Variants in COBLL1 observed in about 807,000 individuals in gnomAD.
COBLL1 encodes the protein cordon-bleu WH2 repeat protein like 1, also known as cordon-bleu protein-like 1.
COBLL1 carries 50 observed loss-of-function variants against 94.8 expected under a neutral mutation model. That is an observed-to-expected ratio of 0.53 (90% CI 0.42 to 0.67). The LOEUF is 0.67. Ranked by LOEUF, COBLL1 falls within the 30% of genes least tolerant of loss-of-function variation. COBLL1 has a pLI of 0.00. For missense variants in COBLL1, 1,362 were observed against 1,348.7 expected (o/e 1.01, Z -0.15); for synonymous variants, 448 against 473.8 (o/e 0.95, Z 0.71).
rs769456105 is a variant in COBLL1, at chr2:164,686,022, G to T, written c.3311C>A (p.Pro1104Gln). Reference sequence around the variant, plus strand: ...TCCATTCACAGATATTGTATTTGATGGAATGGTAACCTAAGAGAAAGAAAC... The same window carrying T: ...TCCATTCACAGATATTGTATTTGATTGAATGGTAACCTAAGAGAAAGAAAC... ...AAAKLKRVTI[P>Q]SNTISVNGRS... Residue 1104 changes from proline to glutamine, a missense_variant, in exon 14 of 14, where the codon CCA becomes CAA. Coordinates refer to ENST00000652658, the MANE Select transcript of COBLL1 (RefSeq NM_001365672.2). 6.3e-7 allele frequency: 1 copy of T among 1,591,726 alleles called. No homozygotes were observed. The highest frequency in any genetic ancestry group is 2.3e-5 in the East Asian group (1 of 43,806).
chr2:164,797,260 T>C (rs1345665799), intron 2 of COBLL1, among the ~76,000 whole-genome samples: 2 of 152,196 alleles, frequency 1.3e-5, no homozygotes, highest in Non-Finnish European at 2.9e-5. Context: ...CCATATTAAA[T>C]AAGCTAATCA....
chr2:164,837,400 G>A, intron 2 of COBLL1: 2 of 440,594 alleles, frequency 4.5e-6, no homozygotes, highest in Middle Eastern at 3.5e-4. Flanking sequence ...TTTACTAATT[G>A]GATATCCACG....
At chr2:164,763,841 A>G (rs1282761154) in intron 2 of COBLL1, among the ~76,000 whole-genome samples, 2 of 152,244 alleles carry the variant, frequency 1.3e-5, no homozygotes, top group Admixed American at 6.5e-5. Flanking sequence ...TTAGATCTCT[A>G]CAAATGTATC....
At chr2:164,671,740 C>A (rs1319336750) in intron 1 of COBLL1, among the ~76,000 whole-genome samples, 1 of 144,692 alleles carries the variant, frequency 6.9e-6, no homozygotes, top group Admixed American at 6.9e-5. Context: ...TTTTTTTTTT[C>A]CAAGAGGCTG....
intron 2 of COBLL1, among the ~76,000 whole-genome samples, chr2:164,804,561 A>G (rs572930893): frequency 2.0e-5 from 3 of 152,274 alleles, no homozygotes; most frequent in East Asian, 3.9e-4. Context: ...AATTCTTATC[A>G]GATCTGATCG....
At chr2:164,665,879 G>A (rs1691151857) in exon 2 of COBLL1, 1 of 152,084 alleles carries the variant, frequency 6.6e-6, no homozygotes, top group Non-Finnish European at 1.5e-5. Flanking sequence ...GTACGTTTCA[G>A]GTTTACAGAT....
rs1559046559 is a variant in COBLL1, at chr2:164,818,576, ATGTACATATGTACACATATATAGCATATG to A, written c.41+22551_41+22579del. Among the ~76,000 whole-genome samples the A allele has an allele frequency of 3.8e-4, 56 of 146,578 alleles. 2 individuals are homozygous for A. Among genetic ancestry groups the A allele is most frequent in the South Asian group, 3.6e-3 (17 of 4,756 alleles). On this transcript the variant is annotated intron_variant, in intron 2 of 13. Transcript: ENST00000652658. ...ACATATGTACACATATATAGCATAT[ATGTACATATGTACACATATATAGCATATG>A]TGTACATATGTACACATATATGGCG...
At chr2:164,767,057 G>A (rs1225525717) in intron 2 of COBLL1, among the ~76,000 whole-genome samples, 1 of 152,156 alleles carries the variant, frequency 6.6e-6, no homozygotes, top group Non-Finnish European at 1.5e-5. Context: ...AATAAAGAAA[G>A]ATGTAGTGGG....
chr2:164,828,051 G>A (rs1685517120), intron 2 of COBLL1, among the ~76,000 whole-genome samples: 4 of 152,096 alleles, frequency 2.6e-5, no homozygotes, highest in Admixed American at 2.6e-4. Context: ...AATTTTAATG[G>A]TGTGGTATTT....
intron 2 of COBLL1, among the ~76,000 whole-genome samples, chr2:164,816,794 C>A (rs1684773264): frequency 6.6e-6 from 1 of 152,166 alleles, no homozygotes; most frequent in Non-Finnish European, 1.5e-5. Context: ...GTTCTCTACA[C>A]TCTACTAAAC....
chr2:164,826,177 G>A (rs1477214037), intron 2 of COBLL1, among the ~76,000 whole-genome samples: 3 of 152,180 alleles, frequency 2.0e-5, no homozygotes, highest in African/African-American at 4.8e-5. Context: ...AAGCGAGGAA[G>A]TTACAATCAC....
intron 1 of COBLL1, among the ~76,000 whole-genome samples, chr2:164,673,666 T>C (rs1390033266): frequency 1.3e-5 from 2 of 152,022 alleles, no homozygotes; most frequent in Non-Finnish European, 2.9e-5. Context: ...AGAGACTCTG[T>C]TTCAAAAAAA....
chr2:164,714,076 A>G (rs1685041556), intron 7 of COBLL1, among the ~76,000 whole-genome samples: 1 of 152,036 alleles, frequency 6.6e-6, no homozygotes, highest in Non-Finnish European at 1.5e-5. Context: ...TAGACCTATT[A>G]GTAGAATTCA....
intron 3 of COBLL1, among the ~76,000 whole-genome samples, chr2:164,736,093 A>T (rs1392904365): frequency 3.9e-5 from 6 of 152,212 alleles, no homozygotes; most frequent in Admixed American, 6.5e-5. Context: ...TTTGAAATGA[A>T]GAAATCCCTA....
At chr2:164,696,928 TG>T (rs899994709) in intron 11 of COBLL1, 3 of 152,170 alleles carry the variant, frequency 2.0e-5, no homozygotes, top group Non-Finnish European at 4.4e-5. Context: ...ATGTGAGCCT[TG>T]GGGGTCAAAC....
intron 7 of COBLL1, chr2:164,718,122 G>T: frequency 2.9e-6 from 1 of 347,488 alleles, no homozygotes; most frequent in Non-Finnish European, 4.1e-6. Context: ...CGATATAAGT[G>T]TGACACATTC....
intron 7 of COBLL1, among the ~76,000 whole-genome samples, chr2:164,713,020 T>G (rs1684983482): frequency 6.6e-6 from 1 of 152,130 alleles, no homozygotes; most frequent in African/African-American, 2.4e-5. Flanking sequence ...GTTATATTAT[T>G]GTGATTTGTA....
At chr2:164,691,543 C>G (rs1004945521) in intron 13 of COBLL1, among the ~76,000 whole-genome samples, 1 of 152,156 alleles carries the variant, frequency 6.6e-6, no homozygotes, top group Middle Eastern at 3.4e-3. Context: ...GTGCTGATGC[C>G]TTGTTCAAAG....
At position 164,734,593 on chromosome 2, in the gene COBLL1, C is replaced by CG. The variant is rs1369122664; in HGVS notation, c.231-4479dup. Among the ~76,000 whole-genome samples, 3 of 152,092 alleles carry CG rather than the reference C, an allele frequency of 2.0e-5. No individual in the cohort carries two copies. The East Asian group carries it at 5.8e-4, about 29-fold the overall frequency. Reference sequence around the variant, plus strand: ...TGGAGGAGCAGCTACAAGGTTATTGCGAAAATTTAGGTGGGAGATGGTGGT... The same window carrying CG: ...TGGAGGAGCAGCTACAAGGTTATTGCGGAAAATTTAGGTGGGAGATGGTGGT... On this transcript the variant is annotated intron_variant, in intron 3 of 13. Coordinates refer to ENST00000652658, the MANE Select transcript of COBLL1 (RefSeq NM_001365672.2).
Sources: gnomAD v4.1 joint callset for allele counts (sites outside exome capture counted in the v4.1 genomes callset) on GRCh38, gnomAD v4.1.1 for gene constraint, MANE v1.5 for transcripts, NCBI Gene and HGNC (gene_info 2026-07-23, HGNC 2026-07-21) for gene names.